KCNAB1: variants seen among roughly 807,000 people sequenced by gnomAD.
KCNAB1 encodes voltage-gated potassium channel subunit beta-1.
Under a neutral mutation model 64.6 loss-of-function variants are expected in KCNAB1, and 35 were observed. The ratio of observed to expected loss-of-function variants is 0.54; its 90% confidence interval spans 0.41 to 0.72. The LOEUF (loss-of-function observed/expected upper bound fraction) is 0.72. Ranked by LOEUF, KCNAB1 falls within the 30% of genes least tolerant of loss-of-function variation. KCNAB1 has a pLI of 0.00. For synonymous variants in KCNAB1, 177 were observed against 183.8 expected, an observed-to-expected ratio of 0.96 and a Z score of 0.30; for missense variants, 401 against 512.9, an observed-to-expected ratio of 0.78 and a Z score of 2.11.
intron 1 of KCNAB1, among the ~76,000 whole-genome samples, chr3:156,226,208 TA>T (rs1176173555): frequency 1.6e-4 from 24 of 152,124 alleles, no homozygotes; most frequent in Admixed American, 8.5e-4. Context: ...TATACTGGTA[TA>T]AAAATTGGCA....
Position 156,247,102 on chromosome 3 carries a change from T to G in KCNAB1, c.275+126216T>G, listed in dbSNP as rs546908643. Among the ~76,000 whole-genome samples the G allele has an allele frequency of 1.5e-4, 23 of 152,208 alleles. 1 individual carries two copies. Among genetic ancestry groups the G allele is most frequent in the Admixed American group, 1.1e-3 (17 of 15,286 alleles). Reference sequence around the variant, plus strand: ...ACTAGTGATGTTGGCCAGGTCAGACTGATCTTGGCTGCACTCAGCCATGCA... The same window carrying G: ...ACTAGTGATGTTGGCCAGGTCAGACGGATCTTGGCTGCACTCAGCCATGCA... On this transcript the variant is annotated intron_variant, in intron 1 of 13. Transcript: ENST00000490337.
chr3:156,149,705 T>C (rs1209752280), intron 1 of KCNAB1, among the ~76,000 whole-genome samples: 2 of 152,180 alleles, frequency 1.3e-5, no homozygotes, highest in Non-Finnish European at 2.9e-5. Flanking sequence ...CAAAGAGGCA[T>C]ATAGTGGATA....
intron 1 of KCNAB1, among the ~76,000 whole-genome samples, chr3:156,129,813 A>G (rs958680415): frequency 6.6e-6 from 1 of 152,108 alleles, no homozygotes; most frequent in African/African-American, 2.4e-5. Context: ...AGCTTGGGAA[A>G]ATTCTCCAAG....
chr3:156,219,321 A>G (rs866265168), intron 1 of KCNAB1, among the ~76,000 whole-genome samples: 1 of 152,062 alleles, frequency 6.6e-6, no homozygotes, highest in South Asian at 2.1e-4. Flanking sequence ...AATGCCCTGG[A>G]AAGTCTCAGC....
At chr3:156,430,192 G>A (rs1185515618) in intron 2 of KCNAB1, among the ~76,000 whole-genome samples, 1 of 152,246 alleles carries the variant, frequency 6.6e-6, no homozygotes, top group African/African-American at 2.4e-5. Context: ...TATTAGGAGT[G>A]ATGATATAGC....
chr3:156,184,791 T>C (rs957150182), intron 1 of KCNAB1, among the ~76,000 whole-genome samples: 6 of 152,108 alleles, frequency 3.9e-5, no homozygotes, highest in African/African-American at 7.2e-5. Flanking sequence ...TCTGCCAAAG[T>C]GTATCCCCTC....
chr3:156,357,710 AT>A (rs1287930223), intron 1 of KCNAB1, among the ~76,000 whole-genome samples: 3 of 151,650 alleles, frequency 2.0e-5, no homozygotes, highest in Non-Finnish European at 4.4e-5. Flanking sequence ...TATCCATAGT[AT>A]TATCACTTCA....
intron 1 of KCNAB1, among the ~76,000 whole-genome samples, chr3:156,379,819 A>T (rs1455893986): frequency 6.6e-6 from 1 of 152,102 alleles, no homozygotes; most frequent in African/African-American, 2.4e-5. Context: ...GACTCTTGGG[A>T]GGTGGTTTCA....
At chr3:156,317,427 A>G (rs1461234383) in intron 1 of KCNAB1, among the ~76,000 whole-genome samples, 1 of 152,202 alleles carries the variant, frequency 6.6e-6, no homozygotes, top group Non-Finnish European at 1.5e-5. Context: ...TTTACAGAGA[A>G]AAACAATCTG....
In KCNAB1 at chr3:156,516,334, G is replaced by C; in HGVS notation, c.930G>C (p.Gly310=). The C allele has an allele frequency of 6.2e-7, 1 of 1,613,924 alleles. No individual in the cohort carries two copies. Among genetic ancestry groups the C allele is most frequent in the Non-Finnish European group, 8.5e-7 (1 of 1,179,796 alleles). Residue 310 remains glycine (G), a synonymous_variant, in exon 11 of 14, where the codon GGG becomes GGC. Coordinates refer to ENST00000490337, the MANE Select transcript of KCNAB1 (RefSeq NM_172160.3). ...CGIISGKYGN[G]VPESSRASLK... ...TCATCTCAGGAAAATACGGAAACGG[G>C]GTGCCTGAAAGTTCCAGGGCTTCAC...
chr3:156,466,685 A>G (rs750515044), intron 7 of KCNAB1, among the ~76,000 whole-genome samples: 7 of 152,032 alleles, frequency 4.6e-5, no homozygotes, highest in Admixed American at 3.9e-4. Context: ...GAAAATTACC[A>G]CTAGGTAATT....
intron 1 of KCNAB1, among the ~76,000 whole-genome samples, chr3:156,327,664 C>T (rs1160641579): frequency 6.6e-6 from 1 of 152,084 alleles, no homozygotes; most frequent in Admixed American, 6.6e-5. Context: ...AACTGAATAT[C>T]TAGGCTTATG....
intron 1 of KCNAB1, among the ~76,000 whole-genome samples, chr3:156,125,976 A>G (rs1417769883): frequency 6.6e-6 from 1 of 152,198 alleles, no homozygotes; most frequent in African/African-American, 2.4e-5. Flanking sequence ...TGTTTGTACA[A>G]GGCCCTGTGA....
At position 156,460,219 on chromosome 3, in the gene KCNAB1, C is replaced by A. The variant is rs369349459; in HGVS notation, c.482+348C>A. The stretch of plus-strand genomic sequence containing the variant: ...ACTTGACAAGAAGCTGATTATCCCC[C>A]CACACACATGCATTTATGTTTGCTG... On this transcript the variant is annotated intron_variant, in intron 5 of 13. Coordinates refer to ENST00000490337, the MANE Select transcript of KCNAB1 (RefSeq NM_172160.3). The A allele has an allele frequency of 4.9e-5, 11 of 222,770 alleles. No individual in the cohort carries two copies. The East Asian group carries it at 7.8e-4, about 16-fold the overall frequency. The allele number at this position is 222,770 out of a possible 1,614,324, so 13.8% of individuals were successfully genotyped here.
At chr3:156,497,237 G>C (rs935832142) in intron 8 of KCNAB1, among the ~76,000 whole-genome samples, 2 of 152,144 alleles carry the variant, frequency 1.3e-5, no homozygotes, top group African/African-American at 4.8e-5. Flanking sequence ...TTAAGTGGAG[G>C]TTTTAATATC....
chr3:156,518,000 A>C (rs1202148338), intron 11 of KCNAB1, among the ~76,000 whole-genome samples: 1 of 152,220 alleles, frequency 6.6e-6, no homozygotes, highest in African/African-American at 2.4e-5. Flanking sequence ...AGGAGGAAGA[A>C]GTAGCTATGA....
intron 2 of KCNAB1, among the ~76,000 whole-genome samples, chr3:156,443,042 T>A (rs987469879): frequency 1.3e-5 from 2 of 152,200 alleles, no homozygotes; most frequent in African/African-American, 4.8e-5. Flanking sequence ...AAAGCTTTTT[T>A]AAAAAATTTC....
intron 5 of KCNAB1, among the ~76,000 whole-genome samples, chr3:156,461,764 G>T (rs1172283088): frequency 6.6e-6 from 1 of 152,090 alleles, no homozygotes; most frequent in African/African-American, 2.4e-5. Context: ...TATACCTTTT[G>T]TAGAAAATAG....
At chr3:156,454,761 C>T (rs1276850431) in intron 3 of KCNAB1, among the ~76,000 whole-genome samples, 1 of 152,156 alleles carries the variant, frequency 6.6e-6, no homozygotes, top group Non-Finnish European at 1.5e-5. Context: ...TAACCTACTA[C>T]TGATGGTGCT....
Sources: gnomAD v4.1 joint callset for allele counts (sites outside exome capture counted in the v4.1 genomes callset) on GRCh38, gnomAD v4.1.1 for gene constraint, MANE v1.5 for transcripts, NCBI Gene and HGNC (gene_info 2026-07-23, HGNC 2026-07-21) for gene names.